The following SOX5 variants were observed in gnomAD, a reference collection of about 807,000 sequenced individuals.
SOX5 encodes the protein transcription factor SOX-5.
SOX5 carries 9 observed loss-of-function variants against 92.0 expected under a neutral mutation model. The ratio of observed to expected loss-of-function variants is 0.10; its 90% confidence interval spans 0.06 to 0.17. The LOEUF is 0.17. Among genes scored for constraint, SOX5 ranks in the 10% least tolerant of loss-of-function variants. The pLI is 1.00. For synonymous variants in SOX5, 344 were observed against 336.3 expected, an observed-to-expected ratio of 1.02 and a Z score of -0.25; for missense variants, 642 against 944.5, an observed-to-expected ratio of 0.68 and a Z score of 4.20.
intron 6 of SOX5, among the ~76,000 whole-genome samples, chr12:23,702,172 C>T (rs1370229919): frequency 6.6e-6 from 1 of 151,522 alleles, no homozygotes; most frequent in East Asian, 1.9e-4. Flanking sequence ...ACCTATATGT[C>T]TCAAGATTCC....
At chr12:24,547,051 A>G (rs964773180) in intron 1 of SOX5, among the ~76,000 whole-genome samples, 8 of 152,228 alleles carry the variant, frequency 5.3e-5, no homozygotes, top group Non-Finnish European at 1.0e-4. Context: ...TACTAAACTG[A>G]TTTAACAACA....
At chr12:24,161,682 G>C (rs1208623150) in intron 4 of SOX5, among the ~76,000 whole-genome samples, 1 of 151,996 alleles carries the variant, frequency 6.6e-6, no homozygotes, top group Non-Finnish European at 1.5e-5. Flanking sequence ...TCTTAAAGTA[G>C]ACAATTTAAA....
At chr12:24,295,741 G>GTT (rs67910015) in intron 2 of SOX5, among the ~76,000 whole-genome samples, 13 of 151,984 alleles carry the variant, frequency 8.6e-5, no homozygotes, top group South Asian at 2.1e-4. Context: ...AATTTTTGTA[G>GTT]TTTTTTTGTA....
chr12:23,822,981 C>T (rs1006218392), intron 3 of SOX5, among the ~76,000 whole-genome samples: 4 of 152,080 alleles, frequency 2.6e-5, no homozygotes, highest in Non-Finnish European at 5.9e-5. Context: ...AATCTTCCTC[C>T]ATCCCATTAT....
At chr12:23,669,815 G>C (rs183605391) in intron 6 of SOX5, among the ~76,000 whole-genome samples, 1 of 152,106 alleles carries the variant, frequency 6.6e-6, no homozygotes, top group South Asian at 2.1e-4. Context: ...TGATGGCTAC[G>C]GTTTTGGATA....
chr12:24,049,136 C>A (rs1414755549), intron 4 of SOX5, among the ~76,000 whole-genome samples: 1 of 152,154 alleles, frequency 6.6e-6, no homozygotes, highest in Admixed American at 6.5e-5. Flanking sequence ...AGATGAGAAA[C>A]AACTGAACAA....
At chr12:24,474,097 T>C (rs1945094697) in intron 1 of SOX5, among the ~76,000 whole-genome samples, 1 of 152,200 alleles carries the variant, frequency 6.6e-6, no homozygotes, top group African/African-American at 2.4e-5. Context: ...ATTGTTATCT[T>C]AAGGACTAAA....
intron 1 of SOX5, among the ~76,000 whole-genome samples, chr12:23,909,873 C>T (rs1001112425): frequency 2.6e-5 from 4 of 151,934 alleles, no homozygotes; most frequent in Non-Finnish European, 4.4e-5. Flanking sequence ...TTCCAATCCC[C>T]GACAACTGAA....
chr12:23,807,760 G>T (rs1470737583), intron 3 of SOX5, among the ~76,000 whole-genome samples: 2 of 151,466 alleles, frequency 1.3e-5, no homozygotes, highest in African/African-American at 4.9e-5. Context: ...TCCTGCCTCA[G>T]CCTCAGCATC....
At chr12:24,051,398 C>A (rs959257961) in intron 4 of SOX5, among the ~76,000 whole-genome samples, 10 of 151,840 alleles carry the variant, frequency 6.6e-5, no homozygotes, top group Non-Finnish European at 1.5e-5. Context: ...TACATGCAAA[C>A]GTTATATATC....
intron 3 of SOX5, among the ~76,000 whole-genome samples, chr12:23,784,922 A>G (rs4362223): frequency 0.16 from 24,572 of 152,056 alleles, 2,569 homozygotes; most frequent in East Asian, 0.52. Context: ...GCCTGCCAAA[A>G]TTAAAAGAAA....
At chr12:23,940,909 T>C (rs909343765) in intron 1 of SOX5, among the ~76,000 whole-genome samples, 3 of 151,316 alleles carry the variant, frequency 2.0e-5, no homozygotes, top group Non-Finnish European at 4.4e-5. Flanking sequence ...ACGTCTTCGG[T>C]TCAAATTTTC....
At chr12:24,450,721 C>G (rs1227642263) in intron 1 of SOX5, among the ~76,000 whole-genome samples, 1 of 152,126 alleles carries the variant, frequency 6.6e-6, no homozygotes, top group Non-Finnish European at 1.5e-5. Context: ...AAACTCCTGA[C>G]GTCAAGTGAT....
rs139654748 is a variant in SOX5 at position 24,172,274 on chromosome 12, C to G, written c.-2+41069G>C. ...AGTTTGGGCCGGGCGCAGTGAGTCACGCCTGTAATCCCAGCACTTTGGGAG... is the reference window on the plus strand; with the variant it reads ...AGTTTGGGCCGGGCGCAGTGAGTCAGGCCTGTAATCCCAGCACTTTGGGAG... On this transcript the variant is annotated intron_variant, in intron 4 of 4. Transcript: ENST00000446891. Among the ~76,000 whole-genome samples the G allele has an allele frequency of 5.2e-3, 797 of 152,104 alleles. 12 individuals carry two copies. The highest frequency in any genetic ancestry group is 0.018 in the African/African-American group (754 of 41,490).
chr12:23,927,896 A>G (rs919372476), intron 1 of SOX5, among the ~76,000 whole-genome samples: 1 of 152,028 alleles, frequency 6.6e-6, no homozygotes, highest in African/African-American at 2.4e-5. Flanking sequence ...AAATAAGCTC[A>G]CCTTGAAATT....
intron 4 of SOX5, among the ~76,000 whole-genome samples, chr12:24,058,225 T>C (rs1039955745): frequency 6.6e-6 from 1 of 152,254 alleles, no homozygotes; most frequent in Non-Finnish European, 1.5e-5. Flanking sequence ...ATGGAGTCAC[T>C]CCATAACAAG....
At chr12:23,729,389 A>T (rs1435927734) in intron 6 of SOX5, among the ~76,000 whole-genome samples, 1 of 152,114 alleles carries the variant, frequency 6.6e-6, no homozygotes, top group Non-Finnish European at 1.5e-5. Flanking sequence ...ACATAATTAA[A>T]ATTGCATTTC....
intron 3 of SOX5, among the ~76,000 whole-genome samples, chr12:24,259,224 G>T (rs1422314170): frequency 2.6e-5 from 4 of 152,144 alleles, no homozygotes; most frequent in African/African-American, 9.7e-5. Flanking sequence ...AAGAGAGCGA[G>T]CGAGAGAGAG....
At chr12:23,774,020 A>G (rs1231215568) in intron 3 of SOX5, among the ~76,000 whole-genome samples, 2 of 152,078 alleles carry the variant, frequency 1.3e-5, no homozygotes, top group African/African-American at 4.8e-5. Flanking sequence ...GTCTTTGCTC[A>G]TTTTAAAAAG....
Sources: allele counts gnomAD v4.1 joint callset (sites outside exome capture counted in the v4.1 genomes callset), GRCh38; gene constraint gnomAD v4.1.1; transcripts MANE v1.5; gene names NCBI Gene and HGNC (gene_info 2026-07-23, HGNC 2026-07-21).